The following RTL9 variants were observed in gnomAD, a reference collection of about 807,000 sequenced individuals.
RTL9 encodes retrotransposon Gag-like protein 9.
RTL9 carries 19 observed loss-of-function variants against 44.7 expected under a neutral mutation model. That is an observed-to-expected ratio of 0.42 (90% CI 0.30 to 0.62). RTL9 has a LOEUF of 0.62. Among genes scored for constraint, RTL9 ranks in the 20% least tolerant of loss-of-function variants. RTL9 has a pLI of 0.16. For missense variants in RTL9, 1,105 were observed against 1,080.6 expected (o/e 1.02, Z -0.32); for synonymous variants, 407 against 398.9 (o/e 1.02, Z -0.24).
intron 1 of RTL9, among the ~76,000 whole-genome samples, chrX:110,362,015 G>A (rs1172465930): frequency 8.9e-6 from 1 of 112,018 alleles, no homozygotes; most frequent in Non-Finnish European, 1.9e-5. Flanking sequence ...TAAATTCCAG[G>A]AGGGCAAGGA....
upstream of RTL9, among the ~76,000 whole-genome samples, chrX:110,418,228 C>T (rs1240641208): frequency 8.9e-6 from 1 of 112,370 alleles, no homozygotes; most frequent in Admixed American, 9.4e-5. Flanking sequence ...GATGGTCTAA[C>T]ACATTTTTGT....
chrX:110,441,261 A>T (rs1403667295), intron 1 of RTL9, among the ~76,000 whole-genome samples: 2 of 111,971 alleles, frequency 1.8e-5, no homozygotes, highest in Non-Finnish European at 3.8e-5. Context: ...AAAGAATGCT[A>T]TAAAGGGCAG....
At chrX:110,398,976 G>A (rs1602967865) in intron 1 of RTL9, among the ~76,000 whole-genome samples, 1 of 111,914 alleles carries the variant, frequency 8.9e-6, no homozygotes, top group Non-Finnish European at 1.9e-5. Context: ...ATTGATACCT[G>A]CCATATATGT....
At chrX:110,413,497 C>T (rs1050708809) in intron 1 of RTL9, among the ~76,000 whole-genome samples, 3 of 109,792 alleles carry the variant, frequency 2.7e-5, no homozygotes, top group African/African-American at 1.0e-4. Flanking sequence ...TTCTTTATAA[C>T]CATCCCCTCC....
At chrX:110,382,998 A>C (rs1174519091) in intron 1 of RTL9, among the ~76,000 whole-genome samples, 1 of 112,090 alleles carries the variant, frequency 8.9e-6, no homozygotes, top group African/African-American at 3.2e-5. Flanking sequence ...GTGGGAGTGG[A>C]ATCAAAGGGT....
At chrX:110,405,375 G>A (rs1354351092) in intron 1 of RTL9, among the ~76,000 whole-genome samples, 3 of 111,360 alleles carry the variant, frequency 2.7e-5, no homozygotes, top group Admixed American at 9.5e-5. Flanking sequence ...GGGTAGCAGC[G>A]TAAAAGCCAA....
chrX:110,378,189 A>G (rs1412154744), intron 1 of RTL9, among the ~76,000 whole-genome samples: 1 of 111,086 alleles, frequency 9.0e-6, no homozygotes, highest in African/African-American at 3.3e-5. Flanking sequence ...AATGTGAAAT[A>G]TTTCCATCAT....
chrX:110,383,480 T>C (rs921931055), intron 1 of RTL9, among the ~76,000 whole-genome samples: 2 of 111,299 alleles, frequency 1.8e-5, no homozygotes, highest in Non-Finnish European at 3.8e-5. Flanking sequence ...AGGTCCTCAC[T>C]TTCTTATTAC....
At chrX:110,369,948 A>G (rs1387942813) in intron 1 of RTL9, among the ~76,000 whole-genome samples, 2 of 110,853 alleles carry the variant, frequency 1.8e-5, no homozygotes, top group Admixed American at 9.6e-5. Flanking sequence ...GTGTACATGT[A>G]TATCTTTTAG....
At chrX:110,398,660 T>C (rs1356085755) in intron 1 of RTL9, among the ~76,000 whole-genome samples, 3 of 112,055 alleles carry the variant, frequency 2.7e-5, no homozygotes, top group Non-Finnish European at 5.6e-5. Flanking sequence ...ATCTTAACTG[T>C]ATCACACCAC....
chrX:110,366,209 G>A (rs1402143600), intron 1 of RTL9, among the ~76,000 whole-genome samples: 1 of 111,843 alleles, frequency 8.9e-6, no homozygotes, highest in Non-Finnish European at 1.9e-5. Context: ...GTATTCCATG[G>A]AGTACTAGTT....
chrX:110,452,379 A>G, exon 1 of RTL9: 1 of 1,211,920 alleles, frequency 8.3e-7, no homozygotes, highest in Non-Finnish European at 1.1e-6. Context: ...CTCTGGATCA[A>G]CATCCACGCT....
intron 1 of RTL9, among the ~76,000 whole-genome samples, chrX:110,433,273 C>T (rs2068812293): frequency 2.7e-5 from 3 of 112,286 alleles, no homozygotes; most frequent in South Asian, 7.4e-4. Flanking sequence ...GTGCATAGCC[C>T]GTATCCTCAA....
intron 1 of RTL9, among the ~76,000 whole-genome samples, chrX:110,430,589 A>G (rs777705115): frequency 1.4e-4 from 16 of 111,884 alleles, no homozygotes; most frequent in Non-Finnish European, 3.0e-4. Context: ...GAAGCAATAG[A>G]GTGGAAATTT....
exon 1 of RTL9, chrX:110,454,217 G>T: frequency 8.3e-7 from 1 of 1,211,857 alleles, no homozygotes; most frequent in Non-Finnish European, 1.1e-6. Context: ...CAGAGAGGTG[G>T]TTCATCTTGC....
chrX:110,432,770 C>T (rs1257079126), intron 1 of RTL9, among the ~76,000 whole-genome samples: 1 of 112,494 alleles, frequency 8.9e-6, no homozygotes, highest in Admixed American at 9.3e-5. Context: ...TCTTTCCCCA[C>T]CCCTGCTTCC....
At chrX:110,369,311 G>A (rs534148521) in intron 1 of RTL9, among the ~76,000 whole-genome samples, 2 of 111,249 alleles carry the variant, frequency 1.8e-5, no homozygotes, top group African/African-American at 3.3e-5. Flanking sequence ...CAGCCTGGGC[G>A]ACAGAGCAAG....
Position 110,377,032 on chromosome X carries a change from G to A in RTL9, c.-168+18116G>A, listed in dbSNP as rs140361290. On this transcript the variant is annotated intron_variant, in intron 1 of 2. Transcript: ENST00000520821. Reference sequence around the variant, plus strand: ...AACTACAGCACTGCAGTAGTGGTAGGCAGTGGGTGAAAGTGGAGTGGGGCC... The same window carrying A: ...AACTACAGCACTGCAGTAGTGGTAGACAGTGGGTGAAAGTGGAGTGGGGCC... Among the ~76,000 whole-genome samples, 584 of 111,808 alleles carry A rather than the reference G, an allele frequency of 5.2e-3. 3 individuals carry two copies. The highest frequency in any genetic ancestry group is 0.018 in the African/African-American group (553 of 30,678).
In RTL9 at chrX:110,451,651, C is replaced by A. The variant is rs774410408; in HGVS notation, c.1034C>A (p.Ala345Glu). 4 of 1,209,985 alleles carry A rather than the reference C, an allele frequency of 3.3e-6. No individual in the cohort carries two copies. The African/African-American group carries it at 7.0e-5, about 21-fold the overall frequency. ...CCAAAGCCAGCTCCAGATGCTGAAG[C>A]AATGTCCCCAGCACTAATGACGGCC... The change falls in exon 1 of 2, where the codon GCA becomes GAA. Residue 345 changes from alanine to glutamate, a missense_variant. Coordinates refer to ENST00000540313, the Ensembl canonical transcript of RTL9.
Sources: gnomAD v4.1 joint callset for allele counts (sites outside exome capture counted in the v4.1 genomes callset) on GRCh38, gnomAD v4.1.1 for gene constraint, MANE v1.5 for transcripts, NCBI Gene and HGNC (gene_info 2026-07-23, HGNC 2026-07-21) for gene names.